ZNF713: variants seen among roughly 807,000 people sequenced by gnomAD.
The protein encoded by ZNF713 is zinc finger protein 713.
Under a neutral mutation model 28.7 loss-of-function variants are expected in ZNF713, and 21 were observed. The observed-to-expected ratio is 0.73, with a 90% confidence interval of 0.52 to 1.05. The LOEUF is 1.05. ZNF713 is among the 50% of genes least tolerant of loss of function. The pLI, the probability that ZNF713 is intolerant of heterozygous loss-of-function variation, is 0.00. For synonymous variants in ZNF713, 167 were observed against 178.0 expected, an observed-to-expected ratio of 0.94 and a Z score of 0.49; for missense variants, 458 against 532.4, an observed-to-expected ratio of 0.86 and a Z score of 1.37.
At chr7:55,932,086 T>G (rs1786221896) in intron 6 of ZNF713, among the ~76,000 whole-genome samples, 1 of 152,250 alleles carries the variant, frequency 6.6e-6, no homozygotes, top group African/African-American at 2.4e-5. Flanking sequence ...GGTTTAAAAT[T>G]AATCTTCTCA....
rs1212533906 is a variant in ZNF713 at position 55,940,935 on chromosome 7, C to A, written c.*929C>A. On this transcript the variant is annotated 3_prime_UTR_variant, in exon 7 of 7. Coordinates refer to ENST00000429591, the MANE Select transcript of ZNF713 (RefSeq NM_182633.3). ...GGTTCCAGCGATTCTTCTGCTTCAG[C>A]CTCCCGAGTAGCTGGGACTACAGGT... is the stretch of plus-strand genomic sequence containing the variant. 1.4e-5 allele frequency: 2 copies of A among 147,432 alleles called. No individual in the cohort carries two copies. Among genetic ancestry groups the A allele is most frequent in the Non-Finnish European group, 3.0e-5 (2 of 67,028 alleles). 9.1% of individuals were successfully genotyped at this position (147,432 alleles called of 1,614,324 possible). A position where few individuals can be genotyped will look rare whatever the true frequency, so the allele number is the denominator to read the frequency against.
chr7:55,895,215 C>T (rs1785452025), intron 1 of ZNF713, among the ~76,000 whole-genome samples: 1 of 152,004 alleles, frequency 6.6e-6, no homozygotes, highest in South Asian at 2.1e-4. Flanking sequence ...AACCAATGTA[C>T]TAGACATGAA....
chr7:55,921,113 C>A (rs1489121408), intron 4 of ZNF713, among the ~76,000 whole-genome samples: 1 of 152,090 alleles, frequency 6.6e-6, no homozygotes, highest in East Asian at 1.9e-4. Context: ...ATCAACAAAG[C>A]CTGCATGACA....
At chr7:55,926,957 C>T (rs995089042) in intron 6 of ZNF713, among the ~76,000 whole-genome samples, 1 of 151,898 alleles carries the variant, frequency 6.6e-6, no homozygotes, top group Non-Finnish European at 1.5e-5. Flanking sequence ...GGTTCACCAA[C>T]ATGGTGAAAC....
At chr7:55,923,798 G>A (rs1220359388) in intron 6 of ZNF713, 99 bp downstream of exon 6, 15 of 820,090 alleles carry the variant, frequency 1.8e-5, no homozygotes, top group Middle Eastern at 2.5e-4. Context: ...TGGGATATAA[G>A]GAATACTAAG....
Position 55,939,118 on chromosome 7 carries a change from T to G in ZNF713, c.444T>G (p.Asp148Glu). Reference protein sequence around the residue: ...FWYSILGGLWDFDYHPEFNQE... With the variant: ...FWYSILGGLWEFDYHPEFNQE... ...ACTCCATCCTAGGAGGACTCTGGGATTTTGATTACCATCCAGAGTTTAACC... is the reference window on the plus strand; with the variant it reads ...ACTCCATCCTAGGAGGACTCTGGGAGTTTGATTACCATCCAGAGTTTAACC... The change falls in exon 7 of 7, where the codon GAT (aspartate) becomes GAG (glutamate). Residue 148 changes from aspartate (D) to glutamate (E), a missense_variant. Coordinates refer to ENST00000429591, the MANE Select transcript of ZNF713 (RefSeq NM_182633.3). 1 of 1,614,102 alleles carries G rather than the reference T, an allele frequency of 6.2e-7. No individual in the cohort carries two copies. The highest frequency in any genetic ancestry group is 8.5e-7 in the Non-Finnish European group (1 of 1,180,012).
At position 55,941,777 on chromosome 7, in the gene ZNF713, A is replaced by C. The variant is rs1011848450; in HGVS notation, c.*1771A>C. ...AATATTCGTTGATGTCCCCCCAAAA[A>C]TCTTGTGTGCCGTTGTTTGAGAAAC... On this transcript the variant is annotated 3_prime_UTR_variant, in exon 7 of 7. Transcript: ENST00000429591. The C allele has an allele frequency of 1.3e-5, 2 of 152,066 alleles. No homozygotes were observed. Among genetic ancestry groups the C allele is most frequent in the Admixed American group, 6.6e-5 (1 of 15,242 alleles). 9.4% of individuals were successfully genotyped at this position (152,066 alleles called of 1,614,324 possible).
intron 6 of ZNF713, 38 bp downstream of exon 6, chr7:55,923,737 G>A (rs767765112): frequency 7.5e-5 from 116 of 1,538,092 alleles, no homozygotes; most frequent in Admixed American, 2.4e-4. Flanking sequence ...CTTAATGAGG[G>A]AAAACAGCCA....
chr7:55,919,807 A>G (rs1785958350), intron 4 of ZNF713, among the ~76,000 whole-genome samples: 3 of 152,184 alleles, frequency 2.0e-5, no homozygotes, highest in African/African-American at 4.8e-5. Context: ...GAAACAGAAC[A>G]TTACCAGTAT....
chr7:55,932,429 G>A (rs1440460835), intron 6 of ZNF713, among the ~76,000 whole-genome samples: 1 of 150,630 alleles, frequency 6.6e-6, no homozygotes, highest in Non-Finnish European at 1.5e-5. Context: ...GGAGGCTGAG[G>A]CAAAAGGATC....
chr7:55,922,176 C>T (rs1404190753), intron 4 of ZNF713, among the ~76,000 whole-genome samples: 1 of 151,972 alleles, frequency 6.6e-6, no homozygotes, highest in African/African-American at 2.4e-5. Flanking sequence ...ATCCACCCAC[C>T]TCGGCCTCCC....
intron 4 of ZNF713, among the ~76,000 whole-genome samples, chr7:55,921,634 C>A (rs759947823): frequency 1.9e-4 from 29 of 152,140 alleles, no homozygotes; most frequent in Non-Finnish European, 3.8e-4. Context: ...ATTAGAAGTG[C>A]AGCCTGAAGA....
At chr7:55,912,997 C>T (rs552616691) in intron 4 of ZNF713, among the ~76,000 whole-genome samples, 11 of 152,196 alleles carry the variant, frequency 7.2e-5, no homozygotes, top group Non-Finnish European at 1.3e-4. Flanking sequence ...GTCTTTTAAT[C>T]GTCCTTAAAT....
chr7:55,897,267 T>C (rs1234536657), intron 1 of ZNF713, among the ~76,000 whole-genome samples: 1 of 151,860 alleles, frequency 6.6e-6, no homozygotes, highest in Non-Finnish European at 1.5e-5. Flanking sequence ...TTTTCTTTTT[T>C]TGAGACAGGG....
intron 4 of ZNF713, among the ~76,000 whole-genome samples, chr7:55,920,792 A>ATTTT (rs869236335): frequency 8.3e-6 from 1 of 120,718 alleles, no homozygotes; most frequent in Non-Finnish European, 1.7e-5. Context: ...TTATTTATTT[A>ATTTT]TTTTTATTAG....
chr7:55,917,342 G>A (rs1249167855), intron 4 of ZNF713, among the ~76,000 whole-genome samples: 2 of 151,730 alleles, frequency 1.3e-5, no homozygotes, highest in East Asian at 3.9e-4. Flanking sequence ...AATTACAGTG[G>A]TCTCATCTTT....
Position 55,931,940 on chromosome 7 carries a change from T to G in ZNF713, c.308-7042T>G, listed in dbSNP as rs1391940053. On this transcript the variant is annotated intron_variant, in intron 6 of 6. Transcript: ENST00000429591. ...GGTCCACAGGCTGCAGATTCAGTGC[T>G]AAGAGACGTGAGAGGCAGTCTGTAG... Among the ~76,000 whole-genome samples, 13 of 152,312 alleles carry G rather than the reference T, an allele frequency of 8.5e-5. No homozygotes were observed. In the East Asian group the frequency reaches 2.1e-3, roughly 25 times the overall value.
intron 6 of ZNF713, among the ~76,000 whole-genome samples, chr7:55,928,774 A>C (rs1318437774): frequency 6.6e-6 from 1 of 152,160 alleles, no homozygotes; most frequent in African/African-American, 2.4e-5. Context: ...ACAAAAATAA[A>C]CCTGAATAAA....
At chr7:55,891,901 TAAATC>T (rs1785386892) in intron 1 of ZNF713, among the ~76,000 whole-genome samples, 1 of 152,056 alleles carries the variant, frequency 6.6e-6, no homozygotes, top group South Asian at 2.1e-4. Flanking sequence ...AGAAAAAAAT[TAAATC>T]ATAGAAAAAA....
Sources: allele counts gnomAD v4.1 joint callset (sites outside exome capture counted in the v4.1 genomes callset), GRCh38; gene constraint gnomAD v4.1.1; transcripts MANE v1.5; gene names NCBI Gene and HGNC (gene_info 2026-07-23, HGNC 2026-07-21).